The following ESRRG variants were observed in gnomAD, a reference collection of about 807,000 sequenced individuals.
ESRRG encodes the protein estrogen-related receptor gamma.
Under a neutral mutation model 44.0 loss-of-function variants are expected in ESRRG, and 13 were observed. That is an observed-to-expected ratio of 0.30 (90% CI 0.19 to 0.47). ESRRG has a LOEUF of 0.47. Among genes scored for constraint, ESRRG ranks in the 20% least tolerant of loss-of-function variants. The pLI is 1.00. For missense variants in ESRRG, 395 were observed against 580.6 expected, an observed-to-expected ratio of 0.68 and a Z score of 3.29; for synonymous variants, 215 against 214.6, an observed-to-expected ratio of 1.00 and a Z score of -0.02.
intron 2 of ESRRG, among the ~76,000 whole-genome samples, chr1:216,903,822 T>A (rs2059374781): frequency 6.6e-6 from 1 of 152,088 alleles, no homozygotes; most frequent in Admixed American, 6.5e-5. Context: ...CAGGTATAGA[T>A]CATTATTTGG....
chr1:216,584,559 A>C (rs950202913), intron 3 of ESRRG, among the ~76,000 whole-genome samples: 1 of 152,198 alleles, frequency 6.6e-6, no homozygotes, highest in African/African-American at 2.4e-5. Flanking sequence ...CCCGGCCCAA[A>C]ACTTACAAGT....
At chr1:216,750,878 A>T (rs2091942368) in intron 2 of ESRRG, among the ~76,000 whole-genome samples, 1 of 152,166 alleles carries the variant, frequency 6.6e-6, no homozygotes, top group Non-Finnish European at 1.5e-5. Flanking sequence ...CTTCATAAGA[A>T]ATACCTTAGG....
intron 1 of ESRRG, among the ~76,000 whole-genome samples, chr1:216,699,537 A>C (rs1346779126): frequency 6.6e-6 from 1 of 152,222 alleles, no homozygotes; most frequent in Non-Finnish European, 1.5e-5. Flanking sequence ...ATGTTGAAAG[A>C]GGAAAAACCT....
intron 2 of ESRRG, among the ~76,000 whole-genome samples, chr1:216,821,647 T>C (rs1162110657): frequency 7.1e-6 from 1 of 140,626 alleles, no homozygotes; most frequent in Non-Finnish European, 1.5e-5. Context: ...ATAACAGCAC[T>C]GCACTCCAGC....
At chr1:216,960,809 T>G (rs1035707970) in intron 1 of ESRRG, among the ~76,000 whole-genome samples, 5 of 152,126 alleles carry the variant, frequency 3.3e-5, no homozygotes, top group Admixed American at 3.3e-4. Context: ...CAGGCAGGTC[T>G]TGAACTCCTG....
intron 2 of ESRRG, among the ~76,000 whole-genome samples, chr1:216,933,634 T>G (rs1434484617): frequency 6.6e-6 from 1 of 152,166 alleles, no homozygotes. Context: ...GAAGAATAAT[T>G]GGAAAGTGAT....
intron 3 of ESRRG, among the ~76,000 whole-genome samples, chr1:216,606,815 G>C (rs1471394462): frequency 1.3e-5 from 2 of 152,190 alleles, no homozygotes; most frequent in African/African-American, 4.8e-5. Context: ...CATAGGTCAG[G>C]TTGAGAATTA....
chr1:216,531,167 G>C (rs2049253311), intron 5 of ESRRG, among the ~76,000 whole-genome samples: 1 of 152,128 alleles, frequency 6.6e-6, no homozygotes, highest in Non-Finnish European at 1.5e-5. Flanking sequence ...GCTTGTCACA[G>C]ATATGAAATT....
chr1:216,512,233 T>C (rs931665393), intron 6 of ESRRG, among the ~76,000 whole-genome samples: 2 of 152,168 alleles, frequency 1.3e-5, no homozygotes, highest in Non-Finnish European at 2.9e-5. Context: ...ATAGGTGCCA[T>C]AGGGATAGAA....
intron 1 of ESRRG, among the ~76,000 whole-genome samples, chr1:217,004,026 A>G (rs944531085): frequency 6.6e-6 from 1 of 152,144 alleles, no homozygotes; most frequent in Admixed American, 6.5e-5. Flanking sequence ...ATACTGTCTT[A>G]TGGGGTAAAG....
At position 216,519,247 on chromosome 1, in the gene ESRRG, T is replaced by C. The variant is rs1288208522; in HGVS notation, c.1037A>G (p.Asn346Ser). ...QSKLAGLLDL[N>S]NAILQLVKKY... ...CTTTACCAGCTGCAGGATAGCATTA[T>C]TTAGATCAAGAAGGCCTGCTAATTT... Residue 346 changes from asparagine to serine, a missense_variant, in exon 6 of 7, where the codon AAT (asparagine) becomes AGT (serine). By Grantham distance (46) the Asn-to-Ser change is conservative. Transcript: ENST00000408911. 1.2e-6 allele frequency: 2 copies of C among 1,613,646 alleles called. No individual in the cohort carries two copies. The highest frequency in any genetic ancestry group is 1.3e-5 in the African/African-American group (1 of 74,916).
intron 1 of ESRRG, among the ~76,000 whole-genome samples, chr1:217,004,948 T>C (rs2077531757): frequency 6.6e-6 from 1 of 152,152 alleles, no homozygotes; most frequent in Non-Finnish European, 1.5e-5. Context: ...ATGAGTCATA[T>C]TGTTTTGTTT....
intron 1 of ESRRG, among the ~76,000 whole-genome samples, chr1:217,038,078 T>C (rs1276888008): frequency 3.9e-5 from 6 of 152,188 alleles, no homozygotes; most frequent in African/African-American, 1.4e-4. Context: ...CTCTGGCTTT[T>C]CCAGGTGCAA....
chr1:216,736,244 G>C (rs1338901947), intron 2 of ESRRG, among the ~76,000 whole-genome samples: 3 of 138,798 alleles, frequency 2.2e-5, no homozygotes, highest in Non-Finnish European at 4.5e-5. Flanking sequence ...GTGCAGTGGC[G>C]CTGTCTCTAC....
At chr1:216,663,999 A>G (rs1953521) in intron 2 of ESRRG, among the ~76,000 whole-genome samples, 84,326 of 151,996 alleles carry the variant, frequency 0.55, 25,739 homozygotes, top group Middle Eastern at 0.71. Context: ...TGAATTGCAA[A>G]GCGTTTAGGT....
chr1:216,717,063 G>A (rs1429739950), intron 1 of ESRRG, among the ~76,000 whole-genome samples: 1 of 151,756 alleles, frequency 6.6e-6, no homozygotes, highest in Non-Finnish European at 1.5e-5. Context: ...AACATCAAAA[G>A]CAAGTTTCCC....
At chr1:216,755,685 T>C (rs1475376741) in intron 2 of ESRRG, among the ~76,000 whole-genome samples, 1 of 152,184 alleles carries the variant, frequency 6.6e-6, no homozygotes, top group East Asian at 1.9e-4. Flanking sequence ...CTCAAGTAGC[T>C]GAATCAGAGC....
intron 1 of ESRRG, among the ~76,000 whole-genome samples, chr1:217,028,184 A>G (rs1353337992): frequency 6.6e-6 from 1 of 152,206 alleles, no homozygotes; most frequent in Non-Finnish European, 1.5e-5. Context: ...CTTACAGAAT[A>G]GCATCTTACT....
intron 2 of ESRRG, among the ~76,000 whole-genome samples, chr1:216,905,531 C>G (rs1249023703): frequency 6.6e-6 from 1 of 152,112 alleles, no homozygotes; most frequent in African/African-American, 2.4e-5. Flanking sequence ...CCACCACCCT[C>G]TAGAATTCTG....
Sources: gnomAD v4.1 joint callset for allele counts (sites outside exome capture counted in the v4.1 genomes callset) on GRCh38, gnomAD v4.1.1 for gene constraint, MANE v1.5 for transcripts, NCBI Gene and HGNC (gene_info 2026-07-23, HGNC 2026-07-21) for gene names.